Variants in OMA1 observed in about 807,000 individuals in gnomAD.
OMA1 encodes the protein OMA1 zinc metallopeptidase.
A neutral mutation model predicts 30.9 loss-of-function variants in OMA1; 38 were observed. That is an observed-to-expected ratio of 1.23 (90% CI 0.95 to 1.61). The LOEUF is 1.61. Ranked by LOEUF, OMA1 falls within the 40% of genes most tolerant of loss-of-function variation. The pLI is 0.00. For missense variants in OMA1, 461 were observed against 349.2 expected (o/e 1.32, Z -2.55); for synonymous variants, 173 against 121.9 (o/e 1.42, Z -2.76).
intron 6 of OMA1, among the ~76,000 whole-genome samples, chr1:58,529,522 A>T (rs1212367728): frequency 6.6e-6 from 1 of 152,244 alleles, no homozygotes; most frequent in Non-Finnish European, 1.5e-5. Flanking sequence ...AACACCTAGT[A>T]AGACTTTCCT....
intron 8 of OMA1, among the ~76,000 whole-genome samples, chr1:58,486,041 A>G (rs1455649969): frequency 6.6e-6 from 1 of 152,210 alleles, no homozygotes; most frequent in East Asian, 1.9e-4. Flanking sequence ...AAAGAAACTA[A>G]CATCTACTGT....
rs11808384 is a variant in OMA1 at position 58,528,614 on chromosome 1, T to A, written c.1141-1279A>T. Among the ~76,000 whole-genome samples the A allele has an allele frequency of 6.9e-3, 1,051 of 152,284 alleles. 11 individuals carry two copies. The highest frequency in any genetic ancestry group is 0.024 in the African/African-American group (1,000 of 41,556). The stretch of plus-strand genomic sequence containing the variant: ...GGGTCAGAAATGCTACTAAACATCC[T>A]ACAGTGCACAGGACAACTCCCCCAC... On this transcript the variant is annotated intron_variant, in intron 6 of 8. Coordinates refer to ENST00000371226, the MANE Select transcript of OMA1 (RefSeq NM_145243.5).
chr1:58,520,019 C>T (rs528759249), intron 7 of OMA1, among the ~76,000 whole-genome samples: 1 of 152,224 alleles, frequency 6.6e-6, no homozygotes, highest in South Asian at 2.1e-4. Context: ...ATTGCATGTT[C>T]TCACTCATAA....
chr1:58,483,712 T>C (rs1383204429), intron 8 of OMA1, among the ~76,000 whole-genome samples: 2 of 152,282 alleles, frequency 1.3e-5, no homozygotes, highest in Non-Finnish European at 2.9e-5. Context: ...TGACCTACTG[T>C]CCAAACTGGG....
At chr1:58,509,295 C>T (rs926000762) in intron 7 of OMA1, among the ~76,000 whole-genome samples, 2 of 151,370 alleles carry the variant, frequency 1.3e-5, no homozygotes, top group Non-Finnish European at 2.9e-5. Context: ...GAGGTCAGAA[C>T]AATGTACGAA....
chr1:58,493,106 T>C (rs992659867), intron 8 of OMA1, among the ~76,000 whole-genome samples: 4 of 152,090 alleles, frequency 2.6e-5, no homozygotes, highest in Admixed American at 6.6e-5. Context: ...GCAAGGCTGG[T>C]TCAACATACG....
Position 58,530,644 on chromosome 1 carries a change from C to G in OMA1, c.1097G>C (p.Ser366Thr), listed in dbSNP as rs1041935909. The G allele has an allele frequency of 6.9e-6, 6 of 872,678 alleles. No homozygotes were observed. The African/African-American group carries it at 8.2e-5, about 12-fold the overall frequency. 54.1% of individuals were successfully genotyped at this position (872,678 alleles called of 1,614,324 possible). Reference sequence around the variant, plus strand: ...TATCCACTGGCACAAAAGTGCCAAGCTATCTCGAGGACAAATGGCCCAAAT... The same window carrying G: ...TATCCACTGGCACAAAAGTGCCAAGGTATCTCGAGGACAAATGGCCCAAAT... The part of the protein sequence containing the change: ...TMIWAICPRD[S>T]LALLCQWIQS... Residue 366 changes from serine to threonine, a missense_variant, in exon 6 of 9, where the codon AGC becomes ACC. Ser to Thr is a moderately conservative substitution (Grantham distance 58). Coordinates refer to ENST00000371226, the MANE Select transcript of OMA1 (RefSeq NM_145243.5).
At chr1:58,488,061 A>G (rs1557437107) in intron 8 of OMA1, among the ~76,000 whole-genome samples, 1 of 152,132 alleles carries the variant, frequency 6.6e-6, no homozygotes, top group Non-Finnish European at 1.5e-5. Flanking sequence ...TTATAGTTCT[A>G]TATTTCTTTT....
At chr1:58,487,245 T>G (rs143630687) in intron 8 of OMA1, among the ~76,000 whole-genome samples, 1 of 152,322 alleles carries the variant, frequency 6.6e-6, no homozygotes, top group Non-Finnish European at 1.5e-5. Context: ...TTTTCATGAA[T>G]AGGACACAGA....
chr1:58,482,286 G>A (rs189499882), intron 8 of OMA1, among the ~76,000 whole-genome samples: 4 of 152,226 alleles, frequency 2.6e-5, no homozygotes, highest in African/African-American at 7.2e-5. Flanking sequence ...AGCAACATAA[G>A]CATGTTATTT....
intron 8 of OMA1, among the ~76,000 whole-genome samples, chr1:58,503,458 A>C (rs1645940635): frequency 6.6e-6 from 1 of 152,156 alleles, no homozygotes; most frequent in Non-Finnish European, 1.5e-5. Flanking sequence ...CAAATTAAGA[A>C]TACAAATGAA....
intron 7 of OMA1, among the ~76,000 whole-genome samples, chr1:58,506,635 A>G (rs1410331022): frequency 6.6e-6 from 1 of 152,198 alleles, no homozygotes; most frequent in African/African-American, 2.4e-5. Context: ...TATTAAGAAC[A>G]TGTATTAAGG....
intron 8 of OMA1, among the ~76,000 whole-genome samples, chr1:58,491,138 C>A (rs1402953441): frequency 6.6e-6 from 1 of 151,966 alleles, no homozygotes; most frequent in Non-Finnish European, 1.5e-5. Flanking sequence ...GAATTTTCAA[C>A]CCAGAATTTC....
intron 1 of OMA1, among the ~76,000 whole-genome samples, chr1:58,539,983 A>G (rs992152669): frequency 6.6e-6 from 1 of 152,162 alleles, no homozygotes; most frequent in Non-Finnish European, 1.5e-5. Flanking sequence ...TCCCATATTC[A>G]GCTGAGTCCT....
At chr1:58,514,716 G>A (rs2100435946) in intron 7 of OMA1, among the ~76,000 whole-genome samples, 1 of 152,230 alleles carries the variant, frequency 6.6e-6, no homozygotes, top group Middle Eastern at 3.4e-3. Context: ...AATACACTGA[G>A]GCTGTTATAA....
At chr1:58,534,491 T>C (rs988446676) in intron 3 of OMA1, among the ~76,000 whole-genome samples, 160 bp from the exon 4 acceptor site, 6 of 152,386 alleles carry the variant, frequency 3.9e-5, no homozygotes, top group Middle Eastern at 3.4e-3. Flanking sequence ...ATCTGAATTA[T>C]TCATGCAAAG....
At chr1:58,523,715 C>T (rs942955708) in intron 7 of OMA1, among the ~76,000 whole-genome samples, 10 of 152,050 alleles carry the variant, frequency 6.6e-5, no homozygotes, top group African/African-American at 9.7e-5. Context: ...CTGGCTAACA[C>T]GGTGAAACCC....
chr1:58,541,306 A>C (rs1181541321), intron 1 of OMA1, among the ~76,000 whole-genome samples: 31 of 94,886 alleles, frequency 3.3e-4, no homozygotes, highest in African/African-American at 1.3e-3. Flanking sequence ...AAAAAAAAAA[A>C]AAAAAAAAAA....
intron 2 of OMA1, among the ~76,000 whole-genome samples, chr1:58,538,175 C>T (rs1054816492): frequency 6.6e-6 from 1 of 152,156 alleles, no homozygotes; most frequent in African/African-American, 2.4e-5. Context: ...CAGTGATTAG[C>T]TTTCTTCCAT....
Sources: gnomAD v4.1 joint callset for allele counts (sites outside exome capture counted in the v4.1 genomes callset) on GRCh38, gnomAD v4.1.1 for gene constraint, MANE v1.5 for transcripts, NCBI Gene and HGNC (gene_info 2026-07-23, HGNC 2026-07-21) for gene names.